SOWAHB: variants seen among roughly 807,000 people sequenced by gnomAD.
SOWAHB encodes the protein ankyrin repeat domain-containing protein SOWAHB.
A neutral mutation model predicts 18.3 loss-of-function variants in SOWAHB; 17 were observed. The observed-to-expected ratio is 0.93, with a 90% CI of 0.64 to 1.40. The LOEUF is 1.40. Ranked by LOEUF, SOWAHB falls within the 40% of genes most tolerant of loss-of-function variation. The probability of loss-of-function intolerance (pLI) is 0.00; values close to 1 mark genes in which losing one functional copy is unlikely to be tolerated. For missense variants in SOWAHB, 1,126 were observed against 1,033.7 expected (o/e 1.09, Z -1.22); for synonymous variants, 496 against 448.1 (o/e 1.11, Z -1.35).
At position 76,896,762 on chromosome 4, in the gene SOWAHB, G is replaced by T; in HGVS notation, c.1088C>A (p.Pro363His). 6.2e-7 allele frequency: 1 copy of T among 1,613,978 alleles called. No homozygotes were observed. The highest frequency in any genetic ancestry group is 8.5e-7 in the Non-Finnish European group (1 of 1,180,050). Residue 363 changes from proline (P) to histidine (H), a missense_variant, in exon 1 of 1, where the codon CCT becomes CAT. Coordinates refer to ENST00000334306, the MANE Select transcript of SOWAHB (RefSeq NM_001029870.3). ...DPCLSSHSLF[P>H]VVPDESWESW... ...TTCCCAGGACTCATCCGGAACAACA[G>T]GAAAGAGAGAGTGCGAGGAAAGACA...
At position 76,897,099 on chromosome 4, in the gene SOWAHB, G is replaced by C. The variant is rs1719940030; in HGVS notation, c.751C>G (p.Pro251Ala). The change falls in exon 1 of 1, where the codon CCT (proline) becomes GCT (alanine). Residue 251 changes from proline (P) to alanine (A), a missense_variant. Coordinates refer to ENST00000334306, the MANE Select transcript of SOWAHB (RefSeq NM_001029870.3). The surrounding 1 kb of genome is among the most constrained non-coding windows in gnomAD (Gnocchi z 6.4). Reference protein sequence around the residue: ...REEGALAEPAPVPAVAHSPPA... With the variant: ...REEGALAEPAAVPAVAHSPPA... ...GGCGAGTGAGCCACTGCAGGCACAG[G>C]CGCCGGCTCAGCTAGCGCGCCTTCT... The C allele has an allele frequency of 5.9e-6, 9 of 1,537,344 alleles. No individual in the cohort carries two copies. The highest frequency in any genetic ancestry group is 7.8e-6 in the Non-Finnish European group (9 of 1,147,638).
At position 76,896,508 on chromosome 4, in the gene SOWAHB, C is replaced by G. The variant is rs2109844825; in HGVS notation, c.1342G>C (p.Glu448Gln). 6.2e-7 allele frequency: 1 copy of G among 1,612,936 alleles called. No homozygotes were observed. Among genetic ancestry groups the G allele is most frequent in the Non-Finnish European group, 8.5e-7 (1 of 1,179,838 alleles). Residue 448 changes from glutamate to glutamine, a missense_variant, in exon 1 of 1, where the codon GAG (glutamate) becomes CAG (glutamine). Glu to Gln is a conservative substitution (Grantham distance 29, BLOSUM62 2). Transcript: ENST00000334306. ...PAGGLSVSRK[E>Q]GSPSRSPQGL... is the part of the protein sequence containing the mutation. The stretch of plus-strand genomic sequence containing the variant: ...TGAGGGCTCCGGCTGGGGCTGCCCT[C>G]CTTCCGAGATACAGAAAGGCCCCCA...
At position 76,897,470 on chromosome 4, in the gene SOWAHB, T is replaced by G; in HGVS notation, c.380A>C (p.Lys127Thr). The G allele has an allele frequency of 6.7e-7, 1 of 1,489,600 alleles. No homozygotes were observed. The highest frequency in any genetic ancestry group is 8.9e-7 in the Non-Finnish European group (1 of 1,127,116). The allele number at this position is 1,489,600 out of a possible 1,614,324, so 92.3% of individuals were successfully genotyped here. ...ACCTGCTGGCTCCTCCTCCGGCTCCTTCTCGCGCCGCCGCCGCCTGGGCTG... is the reference window on the plus strand; with the variant it reads ...ACCTGCTGGCTCCTCCTCCGGCTCCGTCTCGCGCCGCCGCCGCCTGGGCTG... Reference protein sequence around the residue: ...QQQPRRRRREKEPEEEPAGAA... With the variant: ...QQQPRRRRRETEPEEEPAGAA... The change falls in exon 1 of 1, where the codon AAG (lysine) becomes ACG (threonine). Residue 127 changes from lysine to threonine, a missense_variant. Physicochemically the swap from Lys to Thr is moderately conservative, Grantham distance 78 (BLOSUM62 -1). Transcript: ENST00000334306. This position sits in a 1 kb window ranked among gnomAD's most constrained non-coding sequence, Gnocchi z 6.4.
Position 76,898,011 on chromosome 4 carries a change from G to T in SOWAHB, c.-162C>A. On this transcript the variant is annotated 5_prime_UTR_variant, in exon 1 of 1. Coordinates refer to ENST00000334306, the MANE Select transcript of SOWAHB (RefSeq NM_001029870.3). ...AGCGCTGCCCGCAGCCCGTGAGCGC[G>T]CCAGGAGGGCCGTGGGTCCCCTCCG... 5.5e-6 allele frequency: 4 copies of T among 725,694 alleles called. No homozygotes were observed. In the South Asian group the frequency reaches 5.7e-5, roughly 10 times the overall value. 45.0% of individuals were successfully genotyped at this position (725,694 alleles called of 1,614,324 possible).
chr4:76,895,835 GTA>G lies in SOWAHB; in HGVS notation c.2013_2014del (p.Thr672ProfsTer42), dbSNP rs778575680. On this transcript the variant is annotated frameshift_variant, in exon 1 of 1. Transcript: ENST00000334306. LOFTEE classifies it high-confidence loss of function. Reference sequence around the variant, plus strand: ...GTGAATGGCTGCAAGGTGCAGCGGGGTATATCCACAACTGGACCTCACGTTTA... The same window carrying G: ...GTGAATGGCTGCAAGGTGCAGCGGGGTATCCACAACTGGACCTCACGTTTA... 4 of 1,614,244 alleles carry G rather than the reference GTA, an allele frequency of 2.5e-6. No homozygotes were observed. The highest frequency in any genetic ancestry group is 3.4e-6 in the Non-Finnish European group (4 of 1,180,048).
At position 76,894,342 on chromosome 4, in the gene SOWAHB, G is replaced by T. The variant is rs528392316; in HGVS notation, c.*1126C>A. Among the ~76,000 whole-genome samples the T allele has an allele frequency of 6.6e-6, 1 of 152,038 alleles. No homozygotes were observed. Among genetic ancestry groups the T allele is most frequent in the African/African-American group, 2.4e-5 (1 of 41,384 alleles). ...TCTGAAATCTTGATGCTCTACTGAC[G>T]TTTATAGACTAGCCATTTTCTCACT... is the stretch of plus-strand genomic sequence containing the variant. On this transcript the variant is annotated 3_prime_UTR_variant, in exon 1 of 1. Transcript: ENST00000334306.
In SOWAHB at chr4:76,897,874, G is replaced by T; in HGVS notation, c.-25C>A. 1 of 1,577,464 alleles carries T rather than the reference G, an allele frequency of 6.3e-7. No homozygotes were observed. Among genetic ancestry groups the T allele is most frequent in the Non-Finnish European group, 8.6e-7 (1 of 1,168,870 alleles). The stretch of plus-strand genomic sequence containing the variant: ...TCGCTGCCTTGTCCTCCGCCCCAGA[G>T]GTGTCTGAGTCTCGCCCTCCCGGGG... On this transcript the variant is annotated 5_prime_UTR_variant, in exon 1 of 1. Coordinates refer to ENST00000334306, the MANE Select transcript of SOWAHB (RefSeq NM_001029870.3). This position sits in a 1 kb window ranked among gnomAD's most constrained non-coding sequence, Gnocchi z 6.4.
At position 76,895,519 on chromosome 4, in the gene SOWAHB, G is replaced by T; in HGVS notation, c.2331C>A (p.Asn777Lys). The change falls in exon 1 of 1, where the codon AAC (asparagine) becomes AAA (lysine). Residue 777 changes from asparagine to lysine, a missense_variant. By Grantham distance (94) the Asn-to-Lys change is moderately conservative. Transcript: ENST00000334306. The stretch of plus-strand genomic sequence containing the variant: ...TTGGACTGTGGAATTTCTCATACTG[G>T]TTGGCCAGTTTCCACTTGTTGTGCT... ...KSQHNKWKLA[N>K]QYEKFHSPRE... is the part of the protein sequence containing the mutation. 1 of 1,613,932 alleles carries T rather than the reference G, an allele frequency of 6.2e-7. No homozygotes were observed. The highest frequency in any genetic ancestry group is 8.5e-7 in the Non-Finnish European group (1 of 1,179,932).
chr4:76,897,976 C>G lies in SOWAHB; in HGVS notation c.-127G>C, dbSNP rs1487235855. ...GGCGGCACTAGCCGCCCCCATCAGC[C>G]GCGGAGGCCAGCGCTGCCCGCAGCC... On this transcript the variant is annotated 5_prime_UTR_variant, in exon 1 of 1. Transcript: ENST00000334306. The surrounding 1 kb of genome is among the most constrained non-coding windows in gnomAD (Gnocchi z 6.4). 4.8e-6 allele frequency: 5 copies of G among 1,033,258 alleles called. No homozygotes were observed. The highest frequency in any genetic ancestry group is 3.2e-4 in the Middle Eastern group (1 of 3,108). 64.0% of individuals were successfully genotyped at this position (1,033,258 alleles called of 1,614,324 possible). A position where few individuals can be genotyped will look rare whatever the true frequency, so the allele number is the denominator to read the frequency against.
Position 76,894,528 on chromosome 4 carries a change from A to T in SOWAHB, c.*940T>A, listed in dbSNP as rs1193696920. Among the ~76,000 whole-genome samples the T allele has an allele frequency of 6.6e-6, 1 of 152,238 alleles. No individual in the cohort carries two copies. ...GCTTAGATAGTCCTGGTAAGGATGC[A>T]TTCTCTTAACCCTTACTGTTTCCCC... On this transcript the variant is annotated 3_prime_UTR_variant, in exon 1 of 1. Coordinates refer to ENST00000334306, the MANE Select transcript of SOWAHB (RefSeq NM_001029870.3).
In SOWAHB at chr4:76,897,147, G is replaced by C. The variant is rs753744057; in HGVS notation, c.703C>G (p.Arg235Gly). The C allele has an allele frequency of 1.9e-6, 3 of 1,551,738 alleles. No homozygotes were observed. The highest frequency in any genetic ancestry group is 1.7e-4 in the Middle Eastern group (1 of 5,978). ...TCTTCCCGCTCCCTGGAAGCCCCGC[G>C]GTCATCCTGGGCAGGCAGAGCCCGT... ...PARALPAQDD[R>G]GASREREEGA... The change falls in exon 1 of 1, where the codon CGC becomes GGC. Residue 235 changes from arginine to glycine, a missense_variant. Coordinates refer to ENST00000334306, the MANE Select transcript of SOWAHB (RefSeq NM_001029870.3). This position sits in a 1 kb window ranked among gnomAD's most constrained non-coding sequence, Gnocchi z 6.4.
At position 76,896,282 on chromosome 4, in the gene SOWAHB, C is replaced by A. The variant is rs1719910076; in HGVS notation, c.1568G>T (p.Ser523Ile). Residue 523 changes from serine (S) to isoleucine (I), a missense_variant, in exon 1 of 1, where the codon AGT becomes ATT. By Grantham distance (142) the Ser-to-Ile change is moderately radical. Transcript: ENST00000334306. ...EYLDEGLLKR[S>I]RRPPRSRKPS... is the part of the protein sequence containing the mutation. ...CTTCCTGGATCGAGGTGGGCGCCGA[C>A]TTCTTTTCAGCAAGCCCTCATCGAG... is the stretch of plus-strand genomic sequence containing the variant. The A allele has an allele frequency of 6.2e-7, 1 of 1,608,034 alleles. No homozygotes were observed. Among genetic ancestry groups the A allele is most frequent in the Non-Finnish European group, 8.5e-7 (1 of 1,175,930 alleles).
In SOWAHB at chr4:76,894,864, A is replaced by AT. The variant is rs982009996; in HGVS notation, c.*603dup. 6.6e-6 allele frequency: 1 copy of AT among 152,234 alleles called. No individual in the cohort carries two copies. The highest frequency in any genetic ancestry group is 2.4e-5 in the African/African-American group (1 of 41,454). The allele number at this position is 152,234 out of a possible 1,614,324, so 9.4% of individuals were successfully genotyped here. On this transcript the variant is annotated 3_prime_UTR_variant, in exon 1 of 1. Transcript: ENST00000334306. ...TTAATCATTTTACCCATTAACCACCATGCATGGAATTCAAAAGAAGACTTG... is the reference window on the plus strand; with the variant it reads ...TTAATCATTTTACCCATTAACCACCATTGCATGGAATTCAAAAGAAGACTTG...
In SOWAHB at chr4:76,897,866, G is replaced by A; in HGVS notation, c.-17C>T. ...TCGGGCCATCGCTGCCTTGTCCTCCGCCCCAGAGGTGTCTGAGTCTCGCCC... is the reference window on the plus strand; with the variant it reads ...TCGGGCCATCGCTGCCTTGTCCTCCACCCCAGAGGTGTCTGAGTCTCGCCC... On this transcript the variant is annotated 5_prime_UTR_variant, in exon 1 of 1. Coordinates refer to ENST00000334306, the MANE Select transcript of SOWAHB (RefSeq NM_001029870.3). This position sits in a 1 kb window ranked among gnomAD's most constrained non-coding sequence, Gnocchi z 6.4. The A allele has an allele frequency of 3.2e-6, 5 of 1,584,478 alleles. No individual in the cohort carries two copies. The highest frequency in any genetic ancestry group is 4.3e-6 in the Non-Finnish European group (5 of 1,172,754).
At position 76,897,929 on chromosome 4, in the gene SOWAHB, G is replaced by A. The variant is rs1719976294; in HGVS notation, c.-80C>T. ...CCCCAGCCAGAGGAAACCCTGGCCG[G>A]GCGAGTGTCACCTGCGCCCGGGGCG... On this transcript the variant is annotated 5_prime_UTR_variant, in exon 1 of 1. Transcript: ENST00000334306. This position sits in a 1 kb window ranked among gnomAD's most constrained non-coding sequence, Gnocchi z 6.4. 8 of 1,433,570 alleles carry A rather than the reference G, an allele frequency of 5.6e-6. No individual in the cohort carries two copies. Among genetic ancestry groups the A allele is most frequent in the African/African-American group, 1.4e-5 (1 of 70,278 alleles). The allele number at this position is 1,433,570 out of a possible 1,614,324, so 88.8% of individuals were successfully genotyped here. A position where few individuals can be genotyped will look rare whatever the true frequency, so the allele number is the denominator to read the frequency against.
In SOWAHB at chr4:76,895,801, CT is replaced by C. The variant is rs1172705581; in HGVS notation, c.2048del (p.Gln683ArgfsTer7). On this transcript the variant is annotated frameshift_variant, in exon 1 of 1. Transcript: ENST00000334306. LOFTEE classifies it high-confidence loss of function. ...PLHLAAIHGH[Q>X]GVIKLLVQRL... ...TTTGCACTAGCAATTTGATGACCCCCTGGTGGCCGTGAATGGCTGCAAGGTG... is the reference window on the plus strand; with the variant it reads ...TTTGCACTAGCAATTTGATGACCCCCGGTGGCCGTGAATGGCTGCAAGGTG... 1 of 1,614,272 alleles carries C rather than the reference CT, an allele frequency of 6.2e-7. No individual in the cohort carries two copies. Among genetic ancestry groups the C allele is most frequent in the Non-Finnish European group, 8.5e-7 (1 of 1,180,054 alleles).
Position 76,895,896 on chromosome 4 carries a change from A to C in SOWAHB, c.1954T>G (p.Ser652Ala). The change falls in exon 1 of 1, where the codon TCT (serine) becomes GCT (alanine). Residue 652 changes from serine (S) to alanine (A), a missense_variant. Physicochemically the swap from Ser to Ala is moderately conservative, Grantham distance 99. Coordinates refer to ENST00000334306, the MANE Select transcript of SOWAHB (RefSeq NM_001029870.3). Reference sequence around the variant, plus strand: ...ACAATCCCTGCCTTCTTTGCTCCAGACACCAAGTCCTGAAGGGCCCTGAGG... The same window carrying C: ...ACAATCCCTGCCTTCTTTGCTCCAGCCACCAAGTCCTGAAGGGCCCTGAGG... Reference protein sequence around the residue: ...GDLRALQDLVSGAKKAGIVLD... With the variant: ...GDLRALQDLVAGAKKAGIVLD... The C allele has an allele frequency of 6.2e-7, 1 of 1,614,164 alleles. No homozygotes were observed. Among genetic ancestry groups the C allele is most frequent in the Non-Finnish European group, 8.5e-7 (1 of 1,180,030 alleles).
In SOWAHB at chr4:76,896,551, C is replaced by T. The variant is rs146511652; in HGVS notation, c.1299G>A (p.Gly433=). The T allele has an allele frequency of 9.3e-6, 15 of 1,613,408 alleles. No homozygotes were observed. The highest frequency in any genetic ancestry group is 1.3e-5 in the Non-Finnish European group (15 of 1,179,968). The change falls in exon 1 of 1, where the codon GGG becomes GGA. Residue 433 remains glycine (G), a synonymous_variant. Transcript: ENST00000334306. ...GGCCCCCAGCTGGATTCCTGAGCTTCCCCCTATCTGGGGTTCCCAAGACAA... is the reference window on the plus strand; with the variant it reads ...GGCCCCCAGCTGGATTCCTGAGCTTTCCCCTATCTGGGGTTCCCAAGACAA... ...LQVVLGTPDR[G]KLRNPAGGLS...
In SOWAHB at chr4:76,897,099, G is replaced by T; in HGVS notation, c.751C>A (p.Pro251Thr). Residue 251 changes from proline (P) to threonine (T), a missense_variant, in exon 1 of 1, where the codon CCT (proline) becomes ACT (threonine). By Grantham distance (38) the Pro-to-Thr change is conservative. Transcript: ENST00000334306. The surrounding 1 kb of genome is among the most constrained non-coding windows in gnomAD (Gnocchi z 6.4). ...REEGALAEPA[P>T]VPAVAHSPPA... The stretch of plus-strand genomic sequence containing the variant: ...GGCGAGTGAGCCACTGCAGGCACAG[G>T]CGCCGGCTCAGCTAGCGCGCCTTCT... The T allele has an allele frequency of 6.5e-7, 1 of 1,537,462 alleles. No homozygotes were observed. The highest frequency in any genetic ancestry group is 8.7e-7 in the Non-Finnish European group (1 of 1,147,630).
Sources: allele counts gnomAD v4.1 joint callset (sites outside exome capture counted in the v4.1 genomes callset), GRCh38; gene constraint gnomAD v4.1.1; non-coding constraint Gnocchi (gnomAD v3.1); transcripts MANE v1.5; gene names NCBI Gene and HGNC (gene_info 2026-07-23, HGNC 2026-07-21).